SLMAP: variants seen among roughly 807,000 people sequenced by gnomAD.
The protein encoded by SLMAP is sarcolemma associated protein.
A neutral mutation model predicts 128.8 loss-of-function variants in SLMAP; 44 were observed. The observed-to-expected ratio is 0.34, with a 90% CI of 0.27 to 0.44. SLMAP has a LOEUF of 0.44. SLMAP is among the 20% of genes least tolerant of loss of function. The pLI is 1.00. For missense variants in SLMAP, 787 were observed against 985.3 expected, an observed-to-expected ratio of 0.80 and a Z score of 2.69; for synonymous variants, 327 against 348.8, an observed-to-expected ratio of 0.94 and a Z score of 0.70.
Position 57,839,190 on chromosome 3 carries a change from C to G in SLMAP, c.347-2109C>G, listed in dbSNP as rs1176019792. Among the ~76,000 whole-genome samples, 5 of 152,034 alleles carry G rather than the reference C, an allele frequency of 3.3e-5. No homozygotes were observed. In the East Asian group the frequency reaches 7.7e-4, roughly 24 times the overall value. ...CTGAACTCAAGTGATCCCCCCACCT[C>G]AGCCTCCCACAGCACTGGGATTAGG... is the stretch of plus-strand genomic sequence containing the variant. On this transcript the variant is annotated intron_variant, in intron 3 of 24. Transcript: ENST00000671191.
At chr3:57,766,217 C>T (rs1394622582) in intron 2 of SLMAP, among the ~76,000 whole-genome samples, 1 of 133,768 alleles carries the variant, frequency 7.5e-6, no homozygotes, top group Non-Finnish European at 1.5e-5. Context: ...AGGGTTTCAC[C>T]GTGTTAGCCA....
intron 6 of SLMAP, among the ~76,000 whole-genome samples, chr3:57,855,190 C>G (rs1015820585): frequency 8.6e-5 from 13 of 151,958 alleles, no homozygotes; most frequent in African/African-American, 2.4e-4. Flanking sequence ...CCAGCCTGAT[C>G]AACTTGGCAA....
intron 8 of SLMAP, 23 bp from the exon 9 acceptor site, chr3:57,860,676 A>C (rs1412277687): frequency 1.3e-6 from 2 of 1,488,120 alleles, no homozygotes; most frequent in East Asian, 2.5e-5. Context: ...CTTGTCTATA[A>C]TTATAAATAT....
chr3:57,869,048 A>G (rs1476442446), intron 13 of SLMAP, among the ~76,000 whole-genome samples: 2 of 137,496 alleles, frequency 1.5e-5, no homozygotes, highest in Admixed American at 7.9e-5. Context: ...TATATATTAT[A>G]TATATTATAT....
chr3:57,896,442 C>G, intron 15 of SLMAP, 69 bp from the exon 16 acceptor site: 3 of 1,485,190 alleles, frequency 2.0e-6, no homozygotes, highest in South Asian at 1.4e-5. Context: ...CATTCATAGC[C>G]TGAAGCAGTT....
In SLMAP at chr3:57,757,696, C is replaced by T; in HGVS notation, c.45C>T (p.His15=). 1 of 1,614,174 alleles carries T rather than the reference C, an allele frequency of 6.2e-7. No individual in the cohort carries two copies. The highest frequency in any genetic ancestry group is 8.5e-7 in the Non-Finnish European group (1 of 1,180,044). The change falls in exon 2 of 25, where the codon CAC becomes CAT. Residue 15 remains histidine (H), a synonymous_variant. Coordinates refer to ENST00000671191, the MANE Select transcript of SLMAP (RefSeq NM_001377540.1). Reference sequence around the variant, plus strand: ...TCTTCACTTGCCGCCCGAACTCGCACCCGTTTCAGGAGCGTCATGTCTACC... The same window carrying T: ...TCTTCACTTGCCGCCCGAACTCGCATCCGTTTCAGGAGCGTCATGTCTACC... The part of the protein sequence containing the change: ...LAIFTCRPNS[H]PFQERHVYLD...
intron 22 of SLMAP, chr3:57,918,069 T>C: frequency 6.6e-6 from 1 of 152,234 alleles, no homozygotes. Context: ...AATGAAAAAA[T>C]ACTGTAACAT....
At chr3:57,916,383 T>C (rs2096812076) in intron 21 of SLMAP, among the ~76,000 whole-genome samples, 1 of 152,190 alleles carries the variant, frequency 6.6e-6, no homozygotes, top group African/African-American at 2.4e-5. Flanking sequence ...AGCTAAATAG[T>C]GGCAGAGCTA....
intron 7 of SLMAP, 52 bp from the exon 8 acceptor site, chr3:57,858,036 T>C (rs2153594627): frequency 2.5e-6 from 3 of 1,192,914 alleles, no homozygotes; most frequent in Non-Finnish European, 3.7e-6. Flanking sequence ...TTTATATACA[T>C]GTGACTTTAT....
chr3:57,811,510 G>T (rs2090972649), intron 2 of SLMAP, among the ~76,000 whole-genome samples: 1 of 152,060 alleles, frequency 6.6e-6, no homozygotes, highest in Admixed American at 6.5e-5. Context: ...TGGACACTTG[G>T]GTTGCTTTTA....
chr3:57,915,889 G>A (rs757465947), intron 21 of SLMAP, among the ~76,000 whole-genome samples: 22 of 152,080 alleles, frequency 1.4e-4, no homozygotes, highest in Non-Finnish European at 2.9e-5. Flanking sequence ...GACTGTGGTG[G>A]CTCACACCTG....
intron 14 of SLMAP, among the ~76,000 whole-genome samples, chr3:57,874,078 G>A (rs1465922448): frequency 1.3e-5 from 2 of 152,106 alleles, no homozygotes; most frequent in Admixed American, 6.5e-5. Context: ...AGCCAAGATC[G>A]CACCACTGCA....
intron 2 of SLMAP, among the ~76,000 whole-genome samples, chr3:57,798,553 AAT>A (rs1420227651): frequency 6.6e-6 from 1 of 152,158 alleles, no homozygotes; most frequent in Non-Finnish European, 1.5e-5. Context: ...AACCCAAGAG[AAT>A]ATATATTATA....
rs11300949 is a variant in SLMAP, at chr3:57,768,811, T to TA, written c.198+10971dup. On this transcript the variant is annotated intron_variant, in intron 2 of 24. Transcript: ENST00000671191. ...GGCCTCTCTAATCAGTCGAAGGCCT[T>TA]AAAAAAAAAGACTGAGGTCCCCCTG... is the stretch of plus-strand genomic sequence containing the variant. Among the ~76,000 whole-genome samples the TA allele has an allele frequency of 7.3e-5, 11 of 150,880 alleles. No individual in the cohort carries two copies. The South Asian group carries it at 8.4e-4, about 12-fold the overall frequency.
chr3:57,765,881 T>C (rs1364142268), intron 2 of SLMAP, among the ~76,000 whole-genome samples: 1 of 152,198 alleles, frequency 6.6e-6, no homozygotes, highest in Admixed American at 6.5e-5. Context: ...GATTTCAAAT[T>C]GTTAAAAATA....
intron 13 of SLMAP, among the ~76,000 whole-genome samples, chr3:57,865,552 A>G (rs1365822007): frequency 6.6e-6 from 1 of 152,184 alleles, no homozygotes; most frequent in Non-Finnish European, 1.5e-5. Context: ...GCAATATATA[A>G]TATAGATCTT....
chr3:57,925,745 TC>T (rs2153711426), intron 23 of SLMAP, 99 bp from the exon 24 acceptor site: 1 of 768,484 alleles, frequency 1.3e-6, no homozygotes, highest in East Asian at 2.7e-5. Flanking sequence ...TTCTATTATT[TC>T]ATTCTTTCTT....
At chr3:57,837,569 C>G (rs1369721743) in intron 3 of SLMAP, among the ~76,000 whole-genome samples, 1 of 152,152 alleles carries the variant, frequency 6.6e-6, no homozygotes, top group Non-Finnish European at 1.5e-5. Flanking sequence ...CAAGGTTTCA[C>G]TGTGTTAACC....
At chr3:57,844,772 T>A (rs1396694932) in intron 4 of SLMAP, among the ~76,000 whole-genome samples, 2 of 146,506 alleles carry the variant, frequency 1.4e-5, no homozygotes, top group African/African-American at 5.0e-5. Flanking sequence ...TGTAGTGCGG[T>A]GGTGTGATCT....
Sources: allele counts gnomAD v4.1 joint callset (sites outside exome capture counted in the v4.1 genomes callset), GRCh38; gene constraint gnomAD v4.1.1; transcripts MANE v1.5; gene names NCBI Gene and HGNC (gene_info 2026-07-23, HGNC 2026-07-21).